Variants in XPR1 observed in about 807,000 individuals in gnomAD.
The protein encoded by XPR1 is xenotropic and polytropic retrovirus receptor 1.
XPR1 carries 28 observed loss-of-function variants against 87.5 expected under a neutral mutation model. That is an observed-to-expected ratio of 0.32 (90% CI 0.24 to 0.44). The LOEUF is 0.44. Among genes scored for constraint, XPR1 ranks in the 20% least tolerant of loss-of-function variants. The pLI is 1.00. For missense variants in XPR1, 559 were observed against 862.3 expected (o/e 0.65, Z 4.41); for synonymous variants, 300 against 306.1 (o/e 0.98, Z 0.21).
intron 2 of XPR1, among the ~76,000 whole-genome samples, chr1:180,695,467 T>C (rs1305600131): frequency 6.6e-6 from 1 of 151,364 alleles, no homozygotes; most frequent in Non-Finnish European, 1.5e-5. Flanking sequence ...CGCGCTTTTG[T>C]TGCCTGCGCT....
intron 2 of XPR1, among the ~76,000 whole-genome samples, chr1:180,696,677 G>T (rs1657186983): frequency 6.6e-6 from 1 of 152,042 alleles, no homozygotes; most frequent in South Asian, 2.1e-4. Context: ...TGCCTAGTTT[G>T]TTGAGAGTTT....
At chr1:180,712,194 C>T (rs1439755444) in intron 2 of XPR1, among the ~76,000 whole-genome samples, 1 of 152,202 alleles carries the variant, frequency 6.6e-6, no homozygotes, top group Non-Finnish European at 1.5e-5. Context: ...CATCATTACT[C>T]TTGCCCTTTG....
In XPR1 at chr1:180,673,510, C is replaced by T. The variant is rs1399561052; in HGVS notation, c.70-8850C>T. Reference sequence around the variant, plus strand: ...GATCAGGGGTCCCCAACCCCAAGGCCGCAGACCAGTACTGGGCCATGGCCT... The same window carrying T: ...GATCAGGGGTCCCCAACCCCAAGGCTGCAGACCAGTACTGGGCCATGGCCT... On this transcript the variant is annotated intron_variant, in intron 1 of 14. Transcript: ENST00000367590. 5.3e-5 allele frequency among the ~76,000 whole-genome samples: 8 copies of T among 152,116 alleles called. No homozygotes were observed. The South Asian group carries it at 6.2e-4, about 12-fold the overall frequency.
At chr1:180,813,746 G>T (rs1397334834) in intron 7 of XPR1, among the ~76,000 whole-genome samples, 2 of 152,148 alleles carry the variant, frequency 1.3e-5, no homozygotes, top group African/African-American at 4.8e-5. Context: ...ATACCTAAGG[G>T]TCTATGTAAT....
chr1:180,827,153 CAAAAAAAA>C (rs11324246), intron 9 of XPR1, among the ~76,000 whole-genome samples: 3 of 66,894 alleles, frequency 4.5e-5, no homozygotes, highest in African/African-American at 1.2e-4. Flanking sequence ...GACTCCTTCT[CAAAAAAAA>C]AAAAAAAAAA....
At chr1:180,851,121 G>A (rs1247435123) in intron 11 of XPR1, among the ~76,000 whole-genome samples, 1 of 152,070 alleles carries the variant, frequency 6.6e-6, no homozygotes, top group Non-Finnish European at 1.5e-5. Context: ...TTTGGTTATA[G>A]AACAAAAGGA....
intron 11 of XPR1, among the ~76,000 whole-genome samples, chr1:180,846,230 C>G (rs1422766846): frequency 1.4e-5 from 2 of 144,440 alleles, no homozygotes; most frequent in Non-Finnish European, 3.0e-5. Context: ...CCACTGCGCT[C>G]TAGCCTGGGC....
At chr1:180,670,082 A>G (rs1442036016) in intron 1 of XPR1, among the ~76,000 whole-genome samples, 2 of 152,224 alleles carry the variant, frequency 1.3e-5, no homozygotes, top group South Asian at 4.1e-4. Context: ...TATTTGTACA[A>G]AGTATCTATT....
intron 11 of XPR1, among the ~76,000 whole-genome samples, chr1:180,848,523 A>G (rs1393196322): frequency 1.3e-5 from 2 of 152,162 alleles, no homozygotes; most frequent in African/African-American, 4.8e-5. Context: ...ATAGTATGCC[A>G]TTGTGTATAT....
chr1:180,865,134 C>T (rs776267798), intron 12 of XPR1, among the ~76,000 whole-genome samples: 12 of 152,086 alleles, frequency 7.9e-5, no homozygotes, highest in Non-Finnish European at 1.5e-4. Context: ...TGTAGAGTAA[C>T]TTCAGATGAA....
At position 180,824,051 on chromosome 1, in the gene XPR1, G is replaced by A. The variant is rs1298307653; in HGVS notation, c.764-702G>A. On this transcript the variant is annotated intron_variant, in intron 7 of 14. Transcript: ENST00000367590. Reference sequence around the variant, plus strand: ...TGTGAGGTAGATATTACTATATCCAGTTTAATAATGGAGTAAATGAAGCCA... The same window carrying A: ...TGTGAGGTAGATATTACTATATCCAATTTAATAATGGAGTAAATGAAGCCA... 2.0e-5 allele frequency among the ~76,000 whole-genome samples: 3 copies of A among 152,280 alleles called. No individual in the cohort carries two copies. In the East Asian group the frequency reaches 5.8e-4, roughly 29 times the overall value.
At chr1:180,770,156 T>C (rs1449363293) in intron 2 of XPR1, among the ~76,000 whole-genome samples, 1 of 152,220 alleles carries the variant, frequency 6.6e-6, no homozygotes, top group South Asian at 2.1e-4. Context: ...TATTTTGTTT[T>C]ATGTTTTTGT....
At chr1:180,817,574 A>C (rs1391828131) in intron 7 of XPR1, among the ~76,000 whole-genome samples, 1 of 152,242 alleles carries the variant, frequency 6.6e-6, no homozygotes, top group African/African-American at 2.4e-5. Context: ...AGTATTCTGT[A>C]CAGTAACATG....
intron 3 of XPR1, among the ~76,000 whole-genome samples, chr1:180,799,831 T>A (rs1005862241): frequency 3.9e-5 from 6 of 152,152 alleles, no homozygotes; most frequent in Non-Finnish European, 1.5e-5. Context: ...TTGATTTTCC[T>A]CAGTGAAAAT....
chr1:180,785,011 T>TTGTGTGTGTGTGTGTGTGTGTGTGTG (rs1186269708), intron 2 of XPR1, among the ~76,000 whole-genome samples: 5 of 136,392 alleles, frequency 3.7e-5, no homozygotes, highest in East Asian at 2.1e-4. Context: ...GTGTGTGTGT[T>TTGTGTGTGTGTGTGTGTGTGTGTGTG]TGTGTGTGTG....
At chr1:180,862,039 A>G (rs553600005) in intron 11 of XPR1, among the ~76,000 whole-genome samples, 2 of 152,226 alleles carry the variant, frequency 1.3e-5, no homozygotes, top group East Asian at 3.9e-4. Flanking sequence ...TAATATAGCT[A>G]TTTATAAAGT....
intron 2 of XPR1, among the ~76,000 whole-genome samples, chr1:180,787,490 TCTGGTCTTGAA>T (rs1039006754): frequency 1.3e-5 from 2 of 151,912 alleles, no homozygotes; most frequent in African/African-American, 4.8e-5. Flanking sequence ...ATTTGGCCAG[TCTGGTCTTGAA>T]CTCCTGACTT....
rs537226811 is a variant in XPR1 at position 180,832,756 on chromosome 1, T to A, written c.1135-2118T>A. On this transcript the variant is annotated intron_variant, in intron 9 of 14. Coordinates refer to ENST00000367590, the MANE Select transcript of XPR1 (RefSeq NM_004736.4). ...TCTGTTCCAATACATGCTGTTTTGG[T>A]TACTGTAGCCTTGTAGTATAGTTTG... Among the ~76,000 whole-genome samples the A allele has an allele frequency of 1.8e-3, 270 of 152,328 alleles. 1 individual carries two copies. The highest frequency in any genetic ancestry group is 6.2e-3 in the African/African-American group (259 of 41,572).
At chr1:180,766,622 A>G (rs973774578) in intron 2 of XPR1, among the ~76,000 whole-genome samples, 1 of 152,186 alleles carries the variant, frequency 6.6e-6, no homozygotes, top group African/African-American at 2.4e-5. Flanking sequence ...GTGAAATTGT[A>G]ATTTAAAATA....
Sources: gnomAD v4.1 joint callset for allele counts (sites outside exome capture counted in the v4.1 genomes callset) on GRCh38, gnomAD v4.1.1 for gene constraint, MANE v1.5 for transcripts, NCBI Gene and HGNC (gene_info 2026-07-23, HGNC 2026-07-21) for gene names.